CTBP2: variants seen among roughly 807,000 people sequenced by gnomAD.
CTBP2 encodes the protein C-terminal-binding protein 2.
A neutral mutation model predicts 80.3 loss-of-function variants in CTBP2; 30 were observed. The observed-to-expected ratio is 0.37, with a 90% confidence interval of 0.28 to 0.51. The LOEUF is 0.51. Ranked by LOEUF, CTBP2 falls within the 20% of genes least tolerant of loss-of-function variation. CTBP2 has a pLI of 0.93. For missense variants in CTBP2, 1,212 were observed against 1,375.3 expected (o/e 0.88, Z 1.88); for synonymous variants, 594 against 587.4 (o/e 1.01, Z -0.16).
chr10:125,159,256 G>C (rs1473629157), intron 1 of CTBP2, among the ~76,000 whole-genome samples: 1 of 150,154 alleles, frequency 6.7e-6, no homozygotes, highest in Non-Finnish European at 1.5e-5. Context: ...AGCCCCTCCT[G>C]CTAAACTTTT....
intron 2 of CTBP2, among the ~76,000 whole-genome samples, chr10:125,087,475 G>A (rs1196250434): frequency 6.6e-6 from 1 of 152,150 alleles, no homozygotes; most frequent in Non-Finnish European, 1.5e-5. Flanking sequence ...CCATGAGGAC[G>A]AATGTCCACA....
intron 1 of CTBP2, among the ~76,000 whole-genome samples, chr10:125,115,929 A>G (rs1483194431): frequency 6.6e-6 from 1 of 151,478 alleles, no homozygotes; most frequent in African/African-American, 2.4e-5. Context: ...CGCCCCCTAT[A>G]CTCCACACCC....
At chr10:125,064,543 G>GA (rs1384500612) in intron 2 of CTBP2, among the ~76,000 whole-genome samples, 12 of 151,904 alleles carry the variant, frequency 7.9e-5, no homozygotes, top group African/African-American at 2.4e-4. Flanking sequence ...TCAGGTACAT[G>GA]AAAAAAAAGT....
At chr10:125,034,514 A>G (rs554250125) in intron 3 of CTBP2, among the ~76,000 whole-genome samples, 1 of 152,374 alleles carries the variant, frequency 6.6e-6, no homozygotes, top group African/African-American at 2.4e-5. Context: ...AATTGCTGGA[A>G]ATGTGCATAA....
At position 125,066,092 on chromosome 10, in the gene CTBP2, A is replaced by C. The variant is rs1844587728; in HGVS notation, c.-101-26937T>G. On this transcript the variant is annotated intron_variant, in intron 2 of 10. Coordinates refer to the CTBP2 transcript ENST00000337195. The surrounding 1 kb of genome is among the most constrained non-coding windows in gnomAD (Gnocchi z 4.1). ...CTCTAGCCAAAAAAAAAAAGCCGTCATCTTCTTGATGGTGAACTCCCTCTA... is the reference window on the plus strand; with the variant it reads ...CTCTAGCCAAAAAAAAAAAGCCGTCCTCTTCTTGATGGTGAACTCCCTCTA... 6.6e-6 allele frequency among the ~76,000 whole-genome samples: 1 copy of C among 150,574 alleles called. No individual in the cohort carries two copies. Among genetic ancestry groups the C allele is most frequent in the African/African-American group, 2.4e-5 (1 of 40,822 alleles).
chr10:125,048,685 T>A (rs182343632), intron 2 of CTBP2, among the ~76,000 whole-genome samples: 5 of 152,120 alleles, frequency 3.3e-5, no homozygotes, highest in African/African-American at 1.2e-4. Context: ...TTCCATTACG[T>A]CTGCTGACAG....
At chr10:125,114,580 T>C (rs1033912639) in intron 1 of CTBP2, among the ~76,000 whole-genome samples, 10 of 152,158 alleles carry the variant, frequency 6.6e-5, no homozygotes, top group African/African-American at 2.4e-4. Flanking sequence ...AAAAATTACG[T>C]TTTAGGTCTG....
At position 124,984,722 on chromosome 10, in the gene CTBP2, A is replaced by T; in HGVS notation, c.*4796T>A. 6.4e-7 allele frequency: 1 copy of T among 1,559,782 alleles called. No homozygotes were observed. Among genetic ancestry groups the T allele is most frequent in the South Asian group, 1.2e-5 (1 of 84,420 alleles). On this transcript the variant is annotated 3_prime_UTR_variant, in exon 9 of 9. Coordinates refer to ENST00000309035, the MANE Select transcript of CTBP2 (RefSeq NM_022802.3). ...AGGTTTCCATGTCACATTCCTACCA[A>T]GTCTCTGATCTGTTGTATGATTTTC... is the stretch of plus-strand genomic sequence containing the variant.
At chr10:125,045,556 C>T (rs1961024921) in intron 2 of CTBP2, among the ~76,000 whole-genome samples, 1 of 151,916 alleles carries the variant, frequency 6.6e-6, no homozygotes, top group Admixed American at 6.6e-5. Flanking sequence ...ACTTTGTTGC[C>T]CAGGGAATCT....
chr10:125,130,872 C>T (rs562820814), intron 1 of CTBP2, among the ~76,000 whole-genome samples: 1 of 152,326 alleles, frequency 6.6e-6, no homozygotes, highest in South Asian at 2.1e-4. Flanking sequence ...CACCCTGCCA[C>T]CCAGAGAGGG....
In CTBP2 at chr10:125,027,595, G is replaced by A; in HGVS notation, c.165C>T (p.His55=). ...CGGGCAGGGCAGCGTCCTGTGGTCG[G>A]TGGTTTGGCTCAAACCAAGTCCCCT... The change falls in exon 1 of 9, where the codon CAC becomes CAT. Residue 55 remains histidine, a synonymous_variant. Transcript: ENST00000309035. 1 of 1,614,098 alleles carries A rather than the reference G, an allele frequency of 6.2e-7. No homozygotes were observed. The highest frequency in any genetic ancestry group is 8.5e-7 in the Non-Finnish European group (1 of 1,180,026).
chr10:125,092,153 C>CATG (rs1441938658), intron 2 of CTBP2, among the ~76,000 whole-genome samples: 1 of 146,690 alleles, frequency 6.8e-6, no homozygotes, highest in Non-Finnish European at 1.5e-5. Flanking sequence ...GGTCAAAGAG[C>CATG]ATGGTTTCCT....
chr10:125,093,518 C>T (rs1332063789), intron 2 of CTBP2, among the ~76,000 whole-genome samples: 1 of 152,222 alleles, frequency 6.6e-6, no homozygotes, highest in Non-Finnish European at 1.5e-5. Flanking sequence ...TTAATTCAAA[C>T]TCAAATACCA....
At chr10:125,131,290 T>C (rs1379847152) in intron 1 of CTBP2, among the ~76,000 whole-genome samples, 2 of 152,310 alleles carry the variant, frequency 1.3e-5, no homozygotes, top group South Asian at 2.1e-4. Flanking sequence ...TGCCAGGTCA[T>C]TGCTGCAATT....
intron 2 of CTBP2, among the ~76,000 whole-genome samples, chr10:125,064,170 C>G (rs1276202192): frequency 6.6e-6 from 1 of 152,212 alleles, no homozygotes; most frequent in Non-Finnish European, 1.5e-5. Flanking sequence ...TCAGGGAACA[C>G]CATAGTCTCC....
At chr10:125,084,911 C>T (rs544633178) in intron 2 of CTBP2, among the ~76,000 whole-genome samples, 2 of 152,314 alleles carry the variant, frequency 1.3e-5, no homozygotes, top group African/African-American at 2.4e-5. Flanking sequence ...CCATGAGTTC[C>T]GCCGTCGCCA....
chr10:125,158,559 CAG>C (rs980613282), intron 1 of CTBP2: 2 of 152,192 alleles, frequency 1.3e-5, no homozygotes, highest in African/African-American at 4.8e-5. Context: ...CCACTCGCAT[CAG>C]ACTCTCTAAG....
rs562718240 is a variant in CTBP2 at position 125,026,535 on chromosome 10, C to T, written c.1225G>A (p.Ala409Thr). The T allele has an allele frequency of 1.2e-5, 19 of 1,588,120 alleles. No homozygotes were observed. In the South Asian group the frequency reaches 1.8e-4, roughly 15 times the overall value. ...GTCTCCAGGAGGTGCTGAGATGGTG[C>T]GCTGGAGGGACGGCGAGCCGGGTCT... Residue 409 changes from alanine (A) to threonine (T), a missense_variant, in exon 1 of 9, where the codon GCA becomes ACA. Ala to Thr is a moderately conservative substitution (Grantham distance 58). Transcript: ENST00000309035.
chr10:125,092,261 G>A (rs1387663380), intron 2 of CTBP2, among the ~76,000 whole-genome samples: 1 of 136,456 alleles, frequency 7.3e-6, no homozygotes, highest in African/African-American at 2.8e-5. Context: ...TATGATCTCT[G>A]CTCACTGCAA....
Sources: allele counts gnomAD v4.1 joint callset (sites outside exome capture counted in the v4.1 genomes callset), GRCh38; gene constraint gnomAD v4.1.1; non-coding constraint Gnocchi (gnomAD v3.1); transcripts MANE v1.5; gene names NCBI Gene and HGNC (gene_info 2026-07-23, HGNC 2026-07-21).